CTNNA2: variants seen among roughly 807,000 people sequenced by gnomAD.
The protein encoded by CTNNA2 is catenin alpha 2, also known as catenin alpha-2.
A neutral mutation model predicts 101.0 loss-of-function variants in CTNNA2; 42 were observed. The observed-to-expected ratio is 0.42, with a 90% CI of 0.32 to 0.54. The LOEUF (loss-of-function observed/expected upper bound fraction) is 0.54, where lower values mean the gene tolerates loss of function less well. Among genes scored for constraint, CTNNA2 ranks in the 20% least tolerant of loss-of-function variants. The pLI is 0.14. For missense variants in CTNNA2, 871 were observed against 1,223.1 expected, an observed-to-expected ratio of 0.71 and a Z score of 4.29; for synonymous variants, 450 against 456.4, an observed-to-expected ratio of 0.99 and a Z score of 0.18.
chr2:79,540,323 C>T (rs1673330163), intron 1 of CTNNA2, among the ~76,000 whole-genome samples: 1 of 152,116 alleles, frequency 6.6e-6, no homozygotes, highest in Non-Finnish European at 1.5e-5. Flanking sequence ...CTGTAAAATG[C>T]ATATAACAAT....
At chr2:79,406,102 A>G (rs1460626456) in intron 4 of CTNNA2, among the ~76,000 whole-genome samples, 2 of 152,086 alleles carry the variant, frequency 1.3e-5, no homozygotes, top group Non-Finnish European at 2.9e-5. Context: ...AAAAATATCA[A>G]GAGGAATGCA....
intron 12 of CTNNA2, among the ~76,000 whole-genome samples, chr2:80,570,510 G>A (rs1573310802): frequency 6.6e-6 from 1 of 152,086 alleles, no homozygotes; most frequent in Admixed American, 6.5e-5. Context: ...TTTCTTAGGG[G>A]TCAGACCCAG....
chr2:80,030,647 C>A (rs138882181), intron 7 of CTNNA2: 24 of 152,018 alleles, frequency 1.6e-4, no homozygotes, highest in South Asian at 1.0e-3. Context: ...ACAAAGAAAT[C>A]AAAAAAATGA....
chr2:79,658,105 G>A (rs34623425), intron 2 of CTNNA2, among the ~76,000 whole-genome samples: 8,557 of 151,848 alleles, frequency 0.056, 312 homozygotes, highest in Non-Finnish European at 0.072. Context: ...AAAATTATAA[G>A]GTCAATTATT....
chr2:79,689,877 T>C (rs1436449121), intron 2 of CTNNA2, among the ~76,000 whole-genome samples: 1 of 151,928 alleles, frequency 6.6e-6, no homozygotes, highest in Non-Finnish European at 1.5e-5. Flanking sequence ...AAAGAAAGAA[T>C]GTGTTAACTG....
At chr2:79,545,653 T>C (rs1448499607) in intron 1 of CTNNA2, among the ~76,000 whole-genome samples, 1 of 152,090 alleles carries the variant, frequency 6.6e-6, no homozygotes, top group East Asian at 1.9e-4. Flanking sequence ...TCAAAGTGAG[T>C]TTATTGATCT....
At chr2:79,980,271 A>C (rs1691164753) in intron 7 of CTNNA2, among the ~76,000 whole-genome samples, 1 of 152,180 alleles carries the variant, frequency 6.6e-6, no homozygotes, top group Non-Finnish European at 1.5e-5. Flanking sequence ...CAAGTTTAAA[A>C]ATGCAAGTTT....
chr2:79,392,725 A>G (rs1042150217), intron 4 of CTNNA2, among the ~76,000 whole-genome samples: 5 of 152,152 alleles, frequency 3.3e-5, no homozygotes, highest in Admixed American at 6.6e-5. Flanking sequence ...GAAATCTCCA[A>G]TGATATCATT....
At chr2:79,698,328 A>G (rs1057337760) in intron 2 of CTNNA2, among the ~76,000 whole-genome samples, 2 of 152,076 alleles carry the variant, frequency 1.3e-5, no homozygotes, top group African/African-American at 4.8e-5. Context: ...ATATTTAGAC[A>G]GTAAATTGGA....
intron 14 of CTNNA2, 95 bp from the exon 15 acceptor site, chr2:80,589,209 A>G (rs920409396): frequency 3.3e-5 from 41 of 1,260,132 alleles, no homozygotes; most frequent in Non-Finnish European, 4.1e-5. Context: ...AAGCCTTTGC[A>G]GGGTCTGGCT....
intron 3 of CTNNA2, among the ~76,000 whole-genome samples, chr2:79,751,611 AAAAAG>A (rs1245249913): frequency 6.2e-5 from 9 of 145,914 alleles, no homozygotes; most frequent in African/African-American, 1.9e-4. Context: ...AAAAAAAAAA[AAAAAG>A]AAAGAAAGAA....
intron 1 of CTNNA2, among the ~76,000 whole-genome samples, chr2:79,621,522 A>G (rs976403630): frequency 1.3e-5 from 2 of 152,218 alleles, no homozygotes; most frequent in Non-Finnish European, 2.9e-5. Context: ...GAGCAATACG[A>G]TACAGTAGTA....
At chr2:80,592,235 T>C (rs1185261278) in intron 15 of CTNNA2, among the ~76,000 whole-genome samples, 1 of 152,170 alleles carries the variant, frequency 6.6e-6, no homozygotes, top group African/African-American at 2.4e-5. Flanking sequence ...CCAAACTTGA[T>C]TTTCTGGCTT....
At position 79,350,528 on chromosome 2, in the gene CTNNA2, A is replaced by G. The variant is rs552096723; in HGVS notation, c.-317-23303A>G. ...TATATGCCACATTTTTTTTATTCCA[A>G]TCCACCTCTGATGGACACTTAGGTT... On this transcript the variant is annotated intron_variant, in intron 3 of 21. Coordinates refer to the CTNNA2 transcript ENST00000466387. Among the ~76,000 whole-genome samples the G allele has an allele frequency of 1.1e-4, 16 of 152,144 alleles. No individual in the cohort carries two copies. The South Asian group carries it at 2.1e-3, about 20-fold the overall frequency.
chr2:79,781,078 C>CAGCT (rs1434808901), intron 3 of CTNNA2, among the ~76,000 whole-genome samples: 3 of 152,094 alleles, frequency 2.0e-5, no homozygotes, highest in Non-Finnish European at 4.4e-5. Context: ...AATAAAAGAA[C>CAGCT]AGCTACTCCA....
At chr2:79,223,703 C>T (rs541129898) in intron 2 of CTNNA2, among the ~76,000 whole-genome samples, 30 of 152,268 alleles carry the variant, frequency 2.0e-4, no homozygotes, top group Middle Eastern at 3.4e-3. Flanking sequence ...ATAAATGCAA[C>T]ATTATTGACT....
At chr2:79,403,424 T>G (rs2104482939) in intron 4 of CTNNA2, among the ~76,000 whole-genome samples, 1 of 152,044 alleles carries the variant, frequency 6.6e-6, no homozygotes, top group East Asian at 1.9e-4. Context: ...GAATTATATT[T>G]CAGTCCCTCA....
At chr2:79,893,255 T>G (rs187765952) in intron 6 of CTNNA2, among the ~76,000 whole-genome samples, 1 of 152,166 alleles carries the variant, frequency 6.6e-6, no homozygotes, top group Admixed American at 6.5e-5. Flanking sequence ...AAGTTAACTT[T>G]CTAAAAATCA....
At chr2:80,433,485 T>C (rs898655578) in intron 9 of CTNNA2, among the ~76,000 whole-genome samples, 8 of 151,984 alleles carry the variant, frequency 5.3e-5, no homozygotes, top group African/African-American at 1.9e-4. Context: ...CTAGATACAG[T>C]GCAGGAGGAG....
Sources: gnomAD v4.1 joint callset for allele counts (sites outside exome capture counted in the v4.1 genomes callset) on GRCh38, gnomAD v4.1.1 for gene constraint, MANE v1.5 for transcripts, NCBI Gene and HGNC (gene_info 2026-07-23, HGNC 2026-07-21) for gene names.